GRIK4: variants seen among roughly 807,000 people sequenced by gnomAD.
GRIK4 encodes glutamate receptor ionotropic, kainate 4.
GRIK4 carries 40 observed loss-of-function variants against 104.9 expected under a neutral mutation model. That is an observed-to-expected ratio of 0.38 (90% CI 0.30 to 0.50). The LOEUF is 0.50. GRIK4 is among the 20% of genes least tolerant of loss of function. The pLI, the probability that GRIK4 is intolerant of heterozygous loss-of-function variation, is 0.93. For missense variants in GRIK4, 1,047 were observed against 1,308.1 expected (o/e 0.80, Z 3.08); for synonymous variants, 485 against 524.9 (o/e 0.92, Z 1.04).
chr11:120,786,129 T>G (rs1952266494), intron 3 of GRIK4, among the ~76,000 whole-genome samples: 2 of 152,146 alleles, frequency 1.3e-5, no homozygotes, highest in Non-Finnish European at 2.9e-5. Context: ...TCTGGCCCCA[T>G]CATCATCAGT....
rs115879778 is a variant in GRIK4, at chr11:120,536,855, G to A, written c.-159+24968G>A. 5.0e-3 allele frequency among the ~76,000 whole-genome samples: 758 copies of A among 152,302 alleles called. 7 individuals carry two copies. The highest frequency in any genetic ancestry group is 0.017 in the African/African-American group (718 of 41,560). The stretch of plus-strand genomic sequence containing the variant: ...AAAAAGTCAATTACGTAAACAGAGC[G>A]GGGGAGGCCTGATTGGCAGAGGACT... On this transcript the variant is annotated intron_variant, in intron 1 of 20. Transcript: ENST00000527524.
chr11:120,858,014 C>T (rs1298441955), intron 8 of GRIK4, among the ~76,000 whole-genome samples: 1 of 151,810 alleles, frequency 6.6e-6, no homozygotes, highest in African/African-American at 2.4e-5. Context: ...ACCCTCATTC[C>T]CTGGTTTGGG....
At chr11:120,854,322 G>A (rs969503476) in intron 8 of GRIK4, among the ~76,000 whole-genome samples, 6 of 152,204 alleles carry the variant, frequency 3.9e-5, no homozygotes, top group African/African-American at 1.4e-4. Flanking sequence ...TGTTAAGGGG[G>A]TTAAGGATTT....
chr11:120,727,925 A>C (rs990712976), intron 3 of GRIK4, among the ~76,000 whole-genome samples: 7 of 152,164 alleles, frequency 4.6e-5, no homozygotes, highest in African/African-American at 1.7e-4. Flanking sequence ...GAAAAATGAC[A>C]AATATTGAAG....
chr11:120,741,275 C>CTTTTTTTTTTTT (rs762543001), intron 3 of GRIK4, among the ~76,000 whole-genome samples: 1 of 106,884 alleles, frequency 9.4e-6, no homozygotes, highest in South Asian at 3.6e-4. Flanking sequence ...CGTGTGCTTT[C>CTTTTTTTTTTTT]TTTTTTTTTT....
At chr11:120,784,204 G>T (rs1398602902) in intron 3 of GRIK4, among the ~76,000 whole-genome samples, 1 of 152,174 alleles carries the variant, frequency 6.6e-6, no homozygotes, top group Non-Finnish European at 1.5e-5. Flanking sequence ...CCCATTGTGG[G>T]GCCCTAGCTT....
chr11:120,922,140 G>T (rs974352576), intron 13 of GRIK4, among the ~76,000 whole-genome samples: 1 of 152,156 alleles, frequency 6.6e-6, no homozygotes, highest in East Asian at 1.9e-4. Flanking sequence ...TGTGTGCCAG[G>T]AACAATACTT....
chr11:120,631,252 A>C (rs1949329440), intron 1 of GRIK4, among the ~76,000 whole-genome samples: 1 of 152,164 alleles, frequency 6.6e-6, no homozygotes, highest in Non-Finnish European at 1.5e-5. Flanking sequence ...TCTGCAGCTC[A>C]ATGGGGATTC....
intron 6 of GRIK4, among the ~76,000 whole-genome samples, chr11:120,827,421 C>CGG (rs1325115486): frequency 6.7e-6 from 1 of 150,044 alleles, no homozygotes; most frequent in Non-Finnish European, 1.5e-5. Flanking sequence ...CTAGGCCCCT[C>CGG]TCAGCCTTAG....
At chr11:120,925,057 T>C (rs1261039034) in intron 13 of GRIK4, among the ~76,000 whole-genome samples, 2 of 152,300 alleles carry the variant, frequency 1.3e-5, no homozygotes, top group African/African-American at 4.8e-5. Context: ...GGCTGGTCTC[T>C]GAGGCAGAGC....
intron 1 of GRIK4, among the ~76,000 whole-genome samples, chr11:120,566,851 G>C (rs923233934): frequency 2.0e-5 from 3 of 151,514 alleles, no homozygotes; most frequent in Non-Finnish European, 4.4e-5. Context: ...CTACAGGCGC[G>C]TGCCATCACA....
chr11:120,962,808 C>T lies in GRIK4; in HGVS notation c.2266+127C>T, dbSNP rs531014814. On this transcript the variant is annotated intron_variant, in intron 18 of 20. Transcript: ENST00000527524. The stretch of plus-strand genomic sequence containing the variant: ...TAGAACCAGTTTAACAGTGACTTTA[C>T]GTGGGCATTCTAAAGTTTTTTTTTT... The T allele has an allele frequency of 1.0e-4, 57 of 560,704 alleles. 1 individual carries two copies. In the South Asian group the frequency reaches 1.5e-3, roughly 14 times the overall value. The allele number at this position is 560,704 out of a possible 1,614,324, so 34.7% of individuals were successfully genotyped here.
At chr11:120,550,772 G>A (rs2136095025) in intron 1 of GRIK4, among the ~76,000 whole-genome samples, 1 of 152,076 alleles carries the variant, frequency 6.6e-6, no homozygotes, top group Non-Finnish European at 1.5e-5. Flanking sequence ...GTGGTCACTG[G>A]TGACCTGGAT....
intron 3 of GRIK4, among the ~76,000 whole-genome samples, chr11:120,751,932 CCAGCTTGCGG>C (rs1337800443): frequency 6.6e-6 from 1 of 152,138 alleles, no homozygotes; most frequent in Admixed American, 6.5e-5. Context: ...ATCTGTACCA[CCAGCTTGCGG>C]CTGGGGGGTG....
intron 3 of GRIK4, among the ~76,000 whole-genome samples, chr11:120,737,855 C>A (rs980899961): frequency 6.6e-6 from 1 of 152,052 alleles, no homozygotes; most frequent in South Asian, 2.1e-4. Flanking sequence ...ATGAGGTGTT[C>A]ACCTTATAAT....
intron 1 of GRIK4, among the ~76,000 whole-genome samples, chr11:120,542,587 G>C (rs188074240): frequency 6.6e-6 from 1 of 152,292 alleles, no homozygotes; most frequent in Admixed American, 6.5e-5. Context: ...AAATATATAA[G>C]GAACTCCTAC....
chr11:120,693,264 C>A (rs954008441), intron 3 of GRIK4, among the ~76,000 whole-genome samples: 2 of 151,722 alleles, frequency 1.3e-5, no homozygotes, highest in African/African-American at 4.8e-5. Context: ...ACCACCATGC[C>A]TGGCTAATTT....
chr11:120,863,692 A>G (rs1047320057), intron 9 of GRIK4, among the ~76,000 whole-genome samples: 4 of 152,270 alleles, frequency 2.6e-5, no homozygotes, highest in Admixed American at 6.5e-5. Flanking sequence ...CTCTGATAAG[A>G]CATGCCCAGA....
chr11:120,612,742 G>A (rs1274763038), intron 1 of GRIK4, among the ~76,000 whole-genome samples: 3 of 152,140 alleles, frequency 2.0e-5, no homozygotes, highest in African/African-American at 4.8e-5. Flanking sequence ...CCTCATTATC[G>A]GGCTACTTTG....
Sources: allele counts gnomAD v4.1 joint callset (sites outside exome capture counted in the v4.1 genomes callset), GRCh38; gene constraint gnomAD v4.1.1; transcripts MANE v1.5; gene names NCBI Gene and HGNC (gene_info 2026-07-23, HGNC 2026-07-21).